Variants in WDFY3 observed in about 807,000 individuals in gnomAD.
WDFY3 encodes the protein WD repeat and FYVE domain containing 3.
Under a neutral mutation model 409.6 loss-of-function variants are expected in WDFY3, and 66 were observed. The observed-to-expected ratio is 0.16, with a 90% CI of 0.13 to 0.20. The LOEUF is 0.20. Among genes scored for constraint, WDFY3 ranks in the 10% least tolerant of loss-of-function variants. The pLI is 1.00. For missense variants in WDFY3, 3,031 were observed against 4,298.1 expected (o/e 0.71, Z 8.24); for synonymous variants, 1,521 against 1,537.1 (o/e 0.99, Z 0.25).
chr4:84,938,436 T>G (rs1247933583), intron 1 of WDFY3, among the ~76,000 whole-genome samples: 1 of 152,176 alleles, frequency 6.6e-6, no homozygotes, highest in African/African-American at 2.4e-5. Flanking sequence ...ATAGTTCCCC[T>G]TATTATTAGG....
chr4:84,877,850 G>A (rs893078715), intron 3 of WDFY3, among the ~76,000 whole-genome samples: 4 of 152,204 alleles, frequency 2.6e-5, no homozygotes, highest in East Asian at 1.9e-4. Context: ...ATGAGTAAAC[G>A]GTGCTGAATA....
At chr4:84,722,174 G>A (rs1458058938) in intron 46 of WDFY3, among the ~76,000 whole-genome samples, 1 of 152,130 alleles carries the variant, frequency 6.6e-6, no homozygotes, top group African/African-American at 2.4e-5. Context: ...GATCACCTGA[G>A]GTCAGGAGTT....
intron 41 of WDFY3, 60 bp from the exon 42 acceptor site, chr4:84,736,387 T>C (rs1000649004): frequency 1.4e-5 from 20 of 1,464,326 alleles, no homozygotes; most frequent in Non-Finnish European, 1.5e-5. Flanking sequence ...GAGTCTTACT[T>C]TAAAAACTTA....
Position 84,743,892 on chromosome 4 carries a change from TA to T in WDFY3, c.5974-94del, listed in dbSNP as rs1025967804. ...ACATTACCTAATATATTAAAAAGAT[TA>T]AAAAATTCTACTAATAAATTTGTTT... On this transcript the variant is annotated intron_variant, in intron 36 of 67. Transcript: ENST00000295888. The T allele has an allele frequency of 5.4e-6, 4 of 737,280 alleles. No homozygotes were observed. In the African/African-American group the frequency reaches 7.4e-5, roughly 14 times the overall value. 45.7% of individuals were successfully genotyped at this position (737,280 alleles called of 1,614,324 possible). A position where few individuals can be genotyped will look rare whatever the true frequency, so the allele number is the denominator to read the frequency against.
At chr4:84,711,317 A>T (rs1201433569) in intron 51 of WDFY3, among the ~76,000 whole-genome samples, 1 of 152,228 alleles carries the variant, frequency 6.6e-6, no homozygotes, top group Non-Finnish European at 1.5e-5. Flanking sequence ...TCAAAAAGCA[A>T]AATTTAGAGG....
intron 1 of WDFY3, among the ~76,000 whole-genome samples, chr4:84,942,133 A>AG: frequency 6.6e-6 from 1 of 152,102 alleles, no homozygotes. Context: ...TGTTACTTTG[A>AG]GTTAGGCAAA....
chr4:84,925,916 C>T (rs1415432130), intron 2 of WDFY3, among the ~76,000 whole-genome samples: 4 of 151,764 alleles, frequency 2.6e-5, no homozygotes, highest in Non-Finnish European at 5.9e-5. Context: ...TGGATGTTCA[C>T]TGTATTATTC....
At chr4:84,880,670 C>CACACATAT (rs1763368305) in intron 3 of WDFY3, among the ~76,000 whole-genome samples, 1 of 55,218 alleles carries the variant, frequency 1.8e-5, no homozygotes, top group Admixed American at 2.4e-4. Flanking sequence ...ATAAGGGAAC[C>CACACATAT]ATACATATAT....
intron 3 of WDFY3, among the ~76,000 whole-genome samples, chr4:84,878,148 A>G (rs1313802295): frequency 6.6e-6 from 1 of 152,216 alleles, no homozygotes; most frequent in Admixed American, 6.5e-5. Context: ...AAGAGAAGGC[A>G]GGGGCAGAAG....
intron 2 of WDFY3, among the ~76,000 whole-genome samples, chr4:84,909,205 G>C (rs62303119): frequency 0.023 from 3,444 of 152,154 alleles, 58 homozygotes; most frequent in Non-Finnish European, 0.035. Context: ...GGGAGTTACA[G>C]GGAGGGCATC....
intron 36 of WDFY3, among the ~76,000 whole-genome samples, chr4:84,749,489 C>T (rs1479867691): frequency 2.6e-5 from 4 of 152,176 alleles, no homozygotes; most frequent in East Asian, 1.9e-4. Context: ...ATGTCATTGA[C>T]AGGCTCCTGG....
At chr4:84,699,931 A>AC (rs1241913488) in intron 56 of WDFY3, among the ~76,000 whole-genome samples, 3 of 150,984 alleles carry the variant, frequency 2.0e-5, no homozygotes, top group Admixed American at 6.6e-5. Context: ...TTGAGTTATA[A>AC]AAGTTGTTTA....
At chr4:84,963,127 C>CAA (rs112014329) in intron 1 of WDFY3, among the ~76,000 whole-genome samples, 299 of 130,744 alleles carry the variant, frequency 2.3e-3, no homozygotes, top group African/African-American at 7.9e-3. Flanking sequence ...AACAAAAAAA[C>CAA]AAAAAAAAAA....
intron 3 of WDFY3, among the ~76,000 whole-genome samples, chr4:84,890,337 ATAT>A (rs1202766560): frequency 6.6e-6 from 1 of 152,090 alleles, no homozygotes; most frequent in Non-Finnish European, 1.5e-5. Context: ...TGAGCTCAAG[ATAT>A]CCACCTGCCT....
rs774500831 is a variant in WDFY3, at chr4:84,774,901, A to G, written c.4673T>C (p.Leu1558Ser). 2 of 1,614,062 alleles carry G rather than the reference A, an allele frequency of 1.2e-6. No homozygotes were observed. The highest frequency in any genetic ancestry group is 4.5e-5 in the East Asian group (2 of 44,852). Residue 1558 changes from leucine to serine, a missense_variant, in exon 29 of 68, where the codon TTA becomes TCA. By Grantham distance (145) the Leu-to-Ser change is moderately radical. Around this residue, in one of 16 missense-constraint regions of WDFY3, gnomAD observed 342 missense variants for 463.7 expected, o/e 0.74. Coordinates refer to ENST00000295888, the MANE Select transcript of WDFY3 (RefSeq NM_014991.6). ...AATAGCAGCAATAGTAGGCTGGGATAAAGACATATCTCGAAGAGTCAGGAG... is the reference window on the plus strand; with the variant it reads ...AATAGCAGCAATAGTAGGCTGGGATGAAGACATATCTCGAAGAGTCAGGAG... ...KLLLTLRDMS[L>S]SQPTIAAISN...
chr4:84,958,029 A>G (rs1259309973), intron 1 of WDFY3, among the ~76,000 whole-genome samples: 1 of 152,194 alleles, frequency 6.6e-6, no homozygotes, highest in Non-Finnish European at 1.5e-5. Flanking sequence ...TTTCTTTATT[A>G]TTACATTTAT....
intron 2 of WDFY3, among the ~76,000 whole-genome samples, chr4:84,910,082 C>G (rs1767561334): frequency 6.6e-6 from 1 of 152,136 alleles, no homozygotes; most frequent in Non-Finnish European, 1.5e-5. Flanking sequence ...AAACAAATTC[C>G]ATCTGTACTA....
chr4:84,674,705 T>C (rs1055056438), intron 67 of WDFY3, among the ~76,000 whole-genome samples: 6 of 148,420 alleles, frequency 4.0e-5, no homozygotes, highest in Non-Finnish European at 9.0e-5. Context: ...CCGTCTCTAC[T>C]AAGAATACAA....
chr4:84,691,993 A>G (rs1365539376), intron 59 of WDFY3, among the ~76,000 whole-genome samples: 1 of 152,196 alleles, frequency 6.6e-6, no homozygotes, highest in Admixed American at 6.5e-5. Context: ...CCTCTGCAGG[A>G]CTTTCCTCCA....
Sources: allele counts gnomAD v4.1 joint callset (sites outside exome capture counted in the v4.1 genomes callset), GRCh38; gene constraint gnomAD v4.1.1; regional missense constraint gnomAD v4.1.1; transcripts MANE v1.5; gene names NCBI Gene and HGNC (gene_info 2026-07-23, HGNC 2026-07-21).